The following CACNA1I variants were observed in gnomAD, a reference collection of about 807,000 sequenced individuals.
The protein encoded by CACNA1I is voltage-dependent T-type calcium channel subunit alpha-1I.
In CACNA1I, 74 loss-of-function variants were observed where a neutral mutation model predicts 201.6. That is an observed-to-expected ratio of 0.37 (90% CI 0.30 to 0.45). The LOEUF is 0.45. Ranked by LOEUF, CACNA1I falls within the 20% of genes least tolerant of loss-of-function variation. The probability of loss-of-function intolerance (pLI) is 1.00; values close to 1 mark genes in which losing one functional copy is unlikely to be tolerated. For synonymous variants in CACNA1I, 1,431 were observed against 1,345.2 expected (o/e 1.06, Z -1.40); for missense variants, 2,346 against 3,138.1 (o/e 0.75, Z 6.03).
At position 39,676,494 on chromosome 22, in the gene CACNA1I, C is replaced by T. The variant is rs2146472806; in HGVS notation, c.4855-847C>T. Among the ~76,000 whole-genome samples the T allele has an allele frequency of 6.6e-6, 1 of 152,260 alleles. No homozygotes were observed. Among genetic ancestry groups the T allele is most frequent in the South Asian group, 2.1e-4 (1 of 4,818 alleles). On this transcript the variant is annotated intron_variant, in intron 29 of 36. Coordinates refer to ENST00000402142, the MANE Select transcript of CACNA1I (RefSeq NM_021096.4). This position sits in a 1 kb window ranked among gnomAD's most constrained non-coding sequence, Gnocchi z 4.8. ...TCTAAGAGATATTTCATTTCTAGGG[C>T]AAGAATGTGTTTTAGCCTTATCTTA...
In CACNA1I at chr22:39,679,178, C is replaced by T. The variant is rs759432492; in HGVS notation, c.5127C>T (p.Tyr1709=). ...GCCTGCAGTTTGTGTCGCCGCTGTA[C>T]TTCGTGAGCTTCGTGCTCACCGCGC... ...LSSLQFVSPL[Y]FVSFVLTAQF... Residue 1709 remains tyrosine (Y), a synonymous_variant, in exon 32 of 37, where the codon TAC becomes TAT. Coordinates refer to ENST00000402142, the MANE Select transcript of CACNA1I (RefSeq NM_021096.4). 3 of 1,589,970 alleles carry T rather than the reference C, an allele frequency of 1.9e-6. No individual in the cohort carries two copies. In the East Asian group the frequency reaches 6.9e-5, roughly 36 times the overall value.
Position 39,684,478 on chromosome 22 carries a change from A to G in CACNA1I, c.6007A>G (p.Asn2003Asp), listed in dbSNP as rs746729762. Residue 2003 changes from asparagine (N) to aspartate (D), a missense_variant, in exon 36 of 37, where the codon AAC becomes GAC. Transcript: ENST00000402142. The surrounding 1 kb of genome is among the most constrained non-coding windows in gnomAD (Gnocchi z 4.6). ...GGCATCTCTGCGGTCACCAAGGGTC[A>G]ACTGTACCCTCCTCCGGCAGGTACC... ...SWASLRSPRV[N>D]CTLLRQATGS... 1.1e-5 allele frequency: 17 copies of G among 1,613,236 alleles called. No homozygotes were observed. Among genetic ancestry groups the G allele is most frequent in the Non-Finnish European group, 1.4e-5 (17 of 1,179,832 alleles).
rs899406872 is a variant in CACNA1I, at chr22:39,679,412, C to A, written c.5361C>A (p.Gly1787=). 1.8e-5 allele frequency: 26 copies of A among 1,433,860 alleles called. No individual in the cohort carries two copies. Among genetic ancestry groups the A allele is most frequent in the Non-Finnish European group, 2.3e-5 (26 of 1,106,618 alleles). 88.8% of individuals were successfully genotyped at this position (1,433,860 alleles called of 1,614,324 possible). The change falls in exon 32 of 37, where the codon GGC becomes GGA. Residue 1787 remains glycine (G), a synonymous_variant. Transcript: ENST00000402142. ...CGGGCGGCGGGGGCGACACCGAGGG[C>A]GGCTTGTGCCGGCGCTGCTACTCGC... The part of the protein sequence containing the change: ...GGAGGGGDTE[G]GLCRRCYSPA...
At chr22:39,576,994 C>T (rs770454518) in intron 1 of CACNA1I, among the ~76,000 whole-genome samples, 1 of 152,106 alleles carries the variant, frequency 6.6e-6, no homozygotes, top group African/African-American at 2.4e-5. Flanking sequence ...CACTGTCGCC[C>T]AGGCTGGAGT....
intron 2 of CACNA1I, among the ~76,000 whole-genome samples, chr22:39,599,275 A>G (rs1414716172): frequency 6.7e-6 from 1 of 149,076 alleles, no homozygotes; most frequent in Non-Finnish European, 1.5e-5. Context: ...TATAGGACTC[A>G]GTAGCTCCCA....
intron 1 of CACNA1I, among the ~76,000 whole-genome samples, chr22:39,574,373 G>T (rs1407847651): frequency 6.6e-6 from 1 of 152,090 alleles, no homozygotes; most frequent in African/African-American, 2.4e-5. Context: ...GCCAAGGAGG[G>T]TTCCACAAAC....
chr22:39,668,179 T>G, intron 23 of CACNA1I, 113 bp from the exon 24 acceptor site: 1 of 672,990 alleles, frequency 1.5e-6, no homozygotes, highest in Non-Finnish European at 2.7e-6. Context: ...AGAGAAGACC[T>G]CTTTGTCCCT....
At position 39,625,676 on chromosome 22, in the gene CACNA1I, A is replaced by G. The variant is rs141275897; in HGVS notation, c.580+6269A>G. On this transcript the variant is annotated intron_variant, in intron 4 of 36. Coordinates refer to ENST00000402142, the MANE Select transcript of CACNA1I (RefSeq NM_021096.4). ...CACTCAGCCTCTGATGGATAAAGAG[A>G]GGAAGACAGCAGAGAGGTGGTTGGG... Among the ~76,000 whole-genome samples, 296 of 152,238 alleles carry G rather than the reference A, an allele frequency of 1.9e-3. 1 individual carries two copies. Among genetic ancestry groups the G allele is most frequent in the Admixed American group, 3.5e-3 (54 of 15,300 alleles).
At chr22:39,586,141 G>C (rs1932746877) in intron 1 of CACNA1I, among the ~76,000 whole-genome samples, 1 of 151,900 alleles carries the variant, frequency 6.6e-6, no homozygotes, top group Non-Finnish European at 1.5e-5. Context: ...TCGTGCCATT[G>C]TACTCTAGTC....
chr22:39,624,018 G>A (rs1056765520), intron 4 of CACNA1I, among the ~76,000 whole-genome samples: 19 of 150,494 alleles, frequency 1.3e-4, no homozygotes, highest in African/African-American at 4.6e-4. Flanking sequence ...GTCCATGAAG[G>A]GGTGTGCCTG....
chr22:39,584,681 G>C (rs1932682982), intron 1 of CACNA1I, among the ~76,000 whole-genome samples: 1 of 152,168 alleles, frequency 6.6e-6, no homozygotes. Flanking sequence ...CTAGAGCAGG[G>C]GTCTGAACCT....
In CACNA1I at chr22:39,670,821, A is replaced by G. The variant is rs1184025266; in HGVS notation, c.4406A>G (p.Tyr1469Cys). 2.5e-6 allele frequency: 4 copies of G among 1,613,616 alleles called. No homozygotes were observed. The highest frequency in any genetic ancestry group is 3.4e-6 in the Non-Finnish European group (4 of 1,179,808). Residue 1469 changes from tyrosine (Y) to cysteine (C), a missense_variant, in exon 26 of 37, where the codon TAC (tyrosine) becomes TGC (cysteine). Tyr to Cys is a radical substitution (Grantham distance 194, BLOSUM62 -2). Around this residue, in one of 13 missense-constraint regions of CACNA1I, gnomAD observed 228 missense variants for 395.7 expected, o/e 0.58. Coordinates refer to ENST00000402142, the MANE Select transcript of CACNA1I (RefSeq NM_021096.4). Reference protein sequence around the residue: ...KKRRKAQRLPYYATYCHTRLL... With the variant: ...KKRRKAQRLPCYATYCHTRLL... ...CCTGCAGAGGCCCAGCGGCTGCCCTACTATGCCACCTATTGTCACACCCGG... is the reference window on the plus strand; with the variant it reads ...CCTGCAGAGGCCCAGCGGCTGCCCTGCTATGCCACCTATTGTCACACCCGG...
chr22:39,685,944 G>C lies in CACNA1I; in HGVS notation c.6211G>C (p.Gly2071Arg). Residue 2071 changes from glycine (G) to arginine (R), a missense_variant, in exon 37 of 37, where the codon GGC becomes CGC. Physicochemically the swap from Gly to Arg is moderately radical, Grantham distance 125. This residue lies in a region of CACNA1I where 441 missense variants were observed against 555.6 expected (regional missense o/e 0.79). Transcript: ENST00000402142. The surrounding 1 kb of genome is among the most constrained non-coding windows in gnomAD (Gnocchi z 5.0). ...CGCTCGCCGCCGCCTGAGCCTGCGC[G>C]GCCGGGGCCTCTTCAGCCTGCGGGG... is the stretch of plus-strand genomic sequence containing the variant. ...PAARRRLSLR[G>R]RGLFSLRGLR... 1.6e-6 allele frequency: 2 copies of C among 1,278,046 alleles called. No homozygotes were observed. The highest frequency in any genetic ancestry group is 2.0e-6 in the Non-Finnish European group (2 of 1,021,380). The allele number at this position is 1,278,046 out of a possible 1,614,324, so 79.2% of individuals were successfully genotyped here.
At chr22:39,621,092 A>G (rs758536551) in intron 4 of CACNA1I, among the ~76,000 whole-genome samples, 14 of 152,142 alleles carry the variant, frequency 9.2e-5, no homozygotes, top group Non-Finnish European at 1.3e-4. Flanking sequence ...CCCACTTCCT[A>G]TGGTCCAGGA....
rs1038170371 is a variant in CACNA1I, at chr22:39,659,319, C to T, written c.2331-114C>T. On this transcript the variant is annotated intron_variant, in intron 12 of 36. Coordinates refer to ENST00000402142, the MANE Select transcript of CACNA1I (RefSeq NM_021096.4). The surrounding 1 kb of genome is among the most constrained non-coding windows in gnomAD (Gnocchi z 4.3). ...GTTCATCTCTGTAAAATGGGACCAA[C>T]GCTGCCCCGCCTCCCCCTGCCCTGC... The T allele has an allele frequency of 8.5e-6, 8 of 940,236 alleles. No individual in the cohort carries two copies. Among genetic ancestry groups the T allele is most frequent in the African/African-American group, 3.2e-5 (2 of 61,588 alleles). 58.2% of individuals were successfully genotyped at this position (940,236 alleles called of 1,614,324 possible). A position where few individuals can be genotyped will look rare whatever the true frequency, so the allele number is the denominator to read the frequency against.
At chr22:39,678,578 G>A (rs112676115) in intron 31 of CACNA1I, among the ~76,000 whole-genome samples, 64 of 152,156 alleles carry the variant, frequency 4.2e-4, no homozygotes, top group Admixed American at 3.3e-4. Flanking sequence ...AGGTAGGCCT[G>A]TTCTGCCTCC....
intron 5 of CACNA1I, 95 bp from the exon 6 acceptor site, chr22:39,640,772 G>A (rs905226132): frequency 1.1e-5 from 11 of 1,039,596 alleles, no homozygotes; most frequent in South Asian, 1.6e-5. Flanking sequence ...CAGTGACAAG[G>A]CCATCCTGCT....
chr22:39,598,312 C>T, intron 2 of CACNA1I, 50 bp downstream of exon 2: 2 of 1,005,686 alleles, frequency 2.0e-6, no homozygotes, highest in Non-Finnish European at 2.9e-6. Context: ...CCTCCAGGAC[C>T]CGGCCTATGC....
chr22:39,673,599 A>G (rs548999733), intron 28 of CACNA1I, among the ~76,000 whole-genome samples: 4 of 152,322 alleles, frequency 2.6e-5, no homozygotes, highest in African/African-American at 9.6e-5. Context: ...GAGTGATGCC[A>G]GAGTCCTCTT....
Sources: allele counts gnomAD v4.1 joint callset (sites outside exome capture counted in the v4.1 genomes callset), GRCh38; gene constraint gnomAD v4.1.1; regional missense constraint gnomAD v4.1.1; non-coding constraint Gnocchi (gnomAD v3.1); transcripts MANE v1.5; gene names NCBI Gene and HGNC (gene_info 2026-07-23, HGNC 2026-07-21).